The following SPECC1 variants were observed in gnomAD, a reference collection of about 807,000 sequenced individuals.
The protein encoded by SPECC1 is cytospin-B.
A neutral mutation model predicts 104.1 loss-of-function variants in SPECC1; 62 were observed. The ratio of observed to expected loss-of-function variants is 0.60; its 90% CI spans 0.49 to 0.74. The LOEUF is 0.74. SPECC1 is among the 30% of genes least tolerant of loss of function. The pLI is 0.00. For missense variants in SPECC1, 1,306 were observed against 1,310.5 expected, an observed-to-expected ratio of 1.00 and a Z score of 0.05; for synonymous variants, 513 against 501.6, an observed-to-expected ratio of 1.02 and a Z score of -0.30.
chr17:20,139,549 T>C (rs1449985163), intron 3 of SPECC1, among the ~76,000 whole-genome samples: 1 of 152,242 alleles, frequency 6.6e-6, no homozygotes, highest in East Asian at 1.9e-4. Context: ...CTCTAGCATC[T>C]GGATTTGTCC....
intron 12 of SPECC1, among the ~76,000 whole-genome samples, chr17:20,280,883 TG>T (rs2040746333): frequency 6.6e-6 from 1 of 152,236 alleles, no homozygotes; most frequent in Non-Finnish European, 1.5e-5. Flanking sequence ...GTTTCATAAC[TG>T]TTTATTTCAG....
intron 1 of SPECC1, among the ~76,000 whole-genome samples, chr17:20,010,815 G>A (rs2043917955): frequency 6.6e-6 from 1 of 152,128 alleles, no homozygotes; most frequent in South Asian, 2.1e-4. Context: ...TATCTTCACC[G>A]AGTGTATTCT....
intron 12 of SPECC1, among the ~76,000 whole-genome samples, chr17:20,272,553 G>C (rs773888452): frequency 5.3e-5 from 8 of 152,074 alleles, no homozygotes; most frequent in Non-Finnish European, 1.0e-4. Context: ...TCTTCCCCCA[G>C]CCTCTGGCAG....
chr17:20,197,933 T>C (rs1044534930), intron 3 of SPECC1, among the ~76,000 whole-genome samples: 30 of 152,238 alleles, frequency 2.0e-4, no homozygotes, highest in African/African-American at 6.8e-4. Context: ...ATACTGATTT[T>C]TCCCCCCATT....
chr17:20,171,695 G>C (rs1421163640), intron 3 of SPECC1, among the ~76,000 whole-genome samples: 3 of 152,064 alleles, frequency 2.0e-5, no homozygotes, highest in African/African-American at 7.3e-5. Flanking sequence ...CCACAGACGT[G>C]TGCCACCTCA....
chr17:20,270,581 T>G (rs1247132592), intron 12 of SPECC1, among the ~76,000 whole-genome samples: 1 of 149,954 alleles, frequency 6.7e-6, no homozygotes, highest in African/African-American at 2.5e-5. Context: ...ATCACACCAC[T>G]GCACTCCAGC....
Position 20,052,254 on chromosome 17 carries a change from A to C in SPECC1, c.-22+42830A>C, listed in dbSNP as rs2045800682. On this transcript the variant is annotated intron_variant, in intron 1 of 14. Coordinates refer to ENST00000395527, the MANE Select transcript of SPECC1 (RefSeq NM_001243439.2). ...CAAATGTCACCATAGTGACTGCTAA[A>C]ATGGGGGAACCGCAGGTATTACTGT... Among the ~76,000 whole-genome samples the C allele has an allele frequency of 2.6e-5, 4 of 152,198 alleles. No homozygotes were observed. In the South Asian group the frequency reaches 8.3e-4, roughly 32 times the overall value.
chr17:20,104,443 T>C (rs2048088407), intron 2 of SPECC1, among the ~76,000 whole-genome samples: 1 of 152,076 alleles, frequency 6.6e-6, no homozygotes. Flanking sequence ...TCTTAGGTGA[T>C]TCAAATTCTC....
At chr17:20,117,749 A>G (rs2048832245) in intron 3 of SPECC1, among the ~76,000 whole-genome samples, 1 of 151,210 alleles carries the variant, frequency 6.6e-6, no homozygotes, top group South Asian at 2.1e-4. Flanking sequence ...TAATAGAAAT[A>G]TATATAGCGC....
At chr17:20,098,381 G>T (rs1198297277) in intron 2 of SPECC1, among the ~76,000 whole-genome samples, 2 of 152,156 alleles carry the variant, frequency 1.3e-5, no homozygotes, top group African/African-American at 4.8e-5. Flanking sequence ...TGCCTCCCTT[G>T]TGACCAGTTG....
rs79641447 is a variant in SPECC1 at position 20,208,664 on chromosome 17, C to T, written c.1863+2752C>T. ...TACATTGTGCAATGTCGAATAGAAGCGTGACGGTGGATGGATCCTGGTCTC... is the reference window on the plus strand; with the variant it reads ...TACATTGTGCAATGTCGAATAGAAGTGTGACGGTGGATGGATCCTGGTCTC... On this transcript the variant is annotated intron_variant, in intron 4 of 14. Transcript: ENST00000395527. Among the ~76,000 whole-genome samples, 1,007 of 152,264 alleles carry T rather than the reference C, an allele frequency of 6.6e-3. 10 individuals carry two copies. Among genetic ancestry groups the T allele is most frequent in the African/African-American group, 0.023 (954 of 41,536 alleles).
Position 20,113,011 on chromosome 17 carries a change from A to T in SPECC1, c.283+2449A>T, listed in dbSNP as rs1377811705. The T allele has an allele frequency of 1.2e-5, 10 of 866,184 alleles. No homozygotes were observed. The Admixed American group carries it at 1.8e-4, about 15-fold the overall frequency. 53.7% of individuals were successfully genotyped at this position (866,184 alleles called of 1,614,324 possible). ...GATGAGAATTTTAGGGGCTGGAGGA[A>T]CATGTACAAGATGAAAATGTTTTCC... On this transcript the variant is annotated intron_variant, in intron 3 of 14. Coordinates refer to ENST00000395527, the MANE Select transcript of SPECC1 (RefSeq NM_001243439.2).
At chr17:20,252,977 T>G (rs550936912) in intron 9 of SPECC1, among the ~76,000 whole-genome samples, 1 of 152,104 alleles carries the variant, frequency 6.6e-6, no homozygotes, top group Non-Finnish European at 1.5e-5. Flanking sequence ...CATTGTACAT[T>G]CCCACTAACA....
chr17:20,174,865 T>C (rs1430238999), intron 3 of SPECC1, among the ~76,000 whole-genome samples: 1 of 152,144 alleles, frequency 6.6e-6, no homozygotes, highest in African/African-American at 2.4e-5. Context: ...GCCTGCTTCC[T>C]GGCACCTCAT....
Position 20,296,184 on chromosome 17 carries a change from A to T in SPECC1, c.2941-777A>T, listed in dbSNP as rs1419379751. 9.2e-5 allele frequency among the ~76,000 whole-genome samples: 14 copies of T among 152,238 alleles called. No homozygotes were observed. In the East Asian group the frequency reaches 2.7e-3, roughly 29 times the overall value. On this transcript the variant is annotated intron_variant, in intron 12 of 14. Coordinates refer to ENST00000395527, the MANE Select transcript of SPECC1 (RefSeq NM_001243439.2). Reference sequence around the variant, plus strand: ...ACATTTAAGTCTTTAATCCATCTTGAATTAATTTTTGTCTAAGGTGTAAGG... The same window carrying T: ...ACATTTAAGTCTTTAATCCATCTTGTATTAATTTTTGTCTAAGGTGTAAGG...
chr17:20,141,687 A>C (rs1248671912), intron 3 of SPECC1, among the ~76,000 whole-genome samples: 1 of 152,190 alleles, frequency 6.6e-6, no homozygotes, highest in African/African-American at 2.4e-5. Context: ...GAAATACCCC[A>C]TGCTGCTGTT....
chr17:20,265,763 T>G (rs2040195787), intron 12 of SPECC1, among the ~76,000 whole-genome samples: 1 of 152,230 alleles, frequency 6.6e-6, no homozygotes, highest in Non-Finnish European at 1.5e-5. Context: ...TTAAGTTAAT[T>G]TTTATATGTA....
chr17:20,237,079 TA>T, intron 7 of SPECC1: 1 of 1,432,074 alleles, frequency 7.0e-7, no homozygotes, highest in Non-Finnish European at 9.1e-7. Context: ...GGGATCAGCT[TA>T]CTGCATGATC....
intron 1 of SPECC1, among the ~76,000 whole-genome samples, chr17:20,094,733 G>GTAA (rs1319702178): frequency 2.6e-5 from 4 of 151,924 alleles, no homozygotes. Flanking sequence ...CCAAGTAGCT[G>GTAA]GGACTACAGG....
Sources: allele counts gnomAD v4.1 joint callset (sites outside exome capture counted in the v4.1 genomes callset), GRCh38; gene constraint gnomAD v4.1.1; transcripts MANE v1.5; gene names NCBI Gene and HGNC (gene_info 2026-07-23, HGNC 2026-07-21).